Variants in HLA-DRB5 observed in about 807,000 individuals in gnomAD.
The protein encoded by HLA-DRB5 is major histocompatibility complex, class II, DR beta 5.
HLA-DRB5 carries 11 observed loss-of-function variants against 22.4 expected under a neutral mutation model. That is an observed-to-expected ratio of 0.49 (90% CI 0.31 to 0.81). The LOEUF is 0.81. Among genes scored for constraint, HLA-DRB5 ranks in the 40% least tolerant of loss-of-function variants. HLA-DRB5 has a pLI of 0.05. For synonymous variants in HLA-DRB5, 57 were observed against 106.0 expected, an observed-to-expected ratio of 0.54 and a Z score of 2.84; for missense variants, 106 against 274.4, an observed-to-expected ratio of 0.39 and a Z score of 4.34.
chr6:32,524,322 C>CT (rs1769323029), intron 1 of HLA-DRB5, among the ~76,000 whole-genome samples: 1 of 125,098 alleles, frequency 8.0e-6, no homozygotes, highest in African/African-American at 3.1e-5. Flanking sequence ...TTCATATCAT[C>CT]TTCTTTCTTA....
chr6:32,522,791 T>G (rs1769108025), intron 1 of HLA-DRB5, among the ~76,000 whole-genome samples: 1 of 45,044 alleles, frequency 2.2e-5, no homozygotes, highest in Non-Finnish European at 4.5e-5. Context: ...TGATCTCAAT[T>G]ACATTAGGGT....
Position 32,522,160 on chromosome 6 carries a change from G to GAGCA in HLA-DRB5, c.114_115insTGCT (p.Gln39CysfsTer4), listed in dbSNP as rs766955366. On this transcript the variant is annotated frameshift_variant, in exon 2 of 6. Transcript: ENST00000374975. LOFTEE classifies it high-confidence loss of function. Reference sequence around the variant, plus strand: ...AAGAAATGACACTCATACTTATCCTGCTGCAAGAAACGTGCTGTGGGGACA... The same window carrying GAGCA: ...AAGAAATGACACTCATACTTATCCTGAGCACTGCAAGAAACGTGCTGTGGGGACA... 1 of 807,170 alleles carries GAGCA rather than the reference G, an allele frequency of 1.2e-6. No homozygotes were observed. The highest frequency in any genetic ancestry group is 2.9e-5 in the African/African-American group (1 of 34,474). The allele number at this position is 807,170 out of a possible 1,614,324, so 50.0% of individuals were successfully genotyped here. A position where few individuals can be genotyped will look rare whatever the true frequency, so the allele number is the denominator to read the frequency against.
intron 2 of HLA-DRB5, among the ~76,000 whole-genome samples, chr6:32,521,313 G>A (rs1768837130): frequency 7.7e-6 from 1 of 129,444 alleles, no homozygotes. Context: ...AAAATAGCAA[G>A]AAATTTAGAC....
intron 1 of HLA-DRB5, among the ~76,000 whole-genome samples, chr6:32,522,768 C>A (rs112967446): frequency 2.9e-5 from 1 of 34,938 alleles, no homozygotes; most frequent in Admixed American, 3.7e-4. Flanking sequence ...TTCCAGAACA[C>A]AGAGTAATAG....
chr6:32,519,300 T>C (rs375322271), intron 3 of HLA-DRB5, 70 bp downstream of exon 3: 24,791 of 688,814 alleles, frequency 0.036, 7 homozygotes, highest in Middle Eastern at 0.065. Flanking sequence ...ATGAGAAACC[T>C]GACACTCAGG....
chr6:32,521,853 A>ACGCT (rs1419792558), intron 2 of HLA-DRB5, 52 bp downstream of exon 2: 1 of 593,192 alleles, frequency 1.7e-6, no homozygotes, highest in African/African-American at 3.6e-5. Context: ...ACACACACAC[A>ACGCT]CTCAGATTCC....
At chr6:32,518,916 C>T (rs190855649) in intron 3 of HLA-DRB5, among the ~76,000 whole-genome samples, 65 of 59,476 alleles carry the variant, frequency 1.1e-3, no homozygotes, top group Middle Eastern at 0.01. Flanking sequence ...AACAGAAAGC[C>T]TGAGACTCAA....
intron 2 of HLA-DRB5, among the ~76,000 whole-genome samples, chr6:32,521,357 C>T (rs113725244): frequency 0.043 from 5,621 of 132,250 alleles, 567 homozygotes; most frequent in African/African-American, 0.095. Context: ...CAGAGGTCTC[C>T]TCAATTCCCC....
intron 1 of HLA-DRB5, among the ~76,000 whole-genome samples, chr6:32,524,255 T>C (rs72508449): frequency 0.8 from 98,406 of 122,274 alleles, 42,433 homozygotes; most frequent in Middle Eastern, 0.88. Context: ...TGTTGAGAAC[T>C]AAGATTTACT....
rs1348057853 is a variant in HLA-DRB5 at position 32,519,888 on chromosome 6, G to A, written c.371-237C>T. On this transcript the variant is annotated intron_variant, in intron 2 of 5. Coordinates refer to ENST00000374975, the MANE Select transcript of HLA-DRB5 (RefSeq NM_002125.4). ...TTTCTTCATCACTTGAAATTGGGAT[G>A]CATTGTCAAAGTGTTTACAAGTCTT... is the stretch of plus-strand genomic sequence containing the variant. Among the ~76,000 whole-genome samples the A allele has an allele frequency of 4.0e-5, 4 of 99,126 alleles. No homozygotes were observed. The East Asian group carries it at 9.0e-4, about 22-fold the overall frequency. The allele number at this position is 99,126 out of a possible 152,430, so 65.0% of individuals were successfully genotyped here.
chr6:32,524,347 T>G (rs72508450), intron 1 of HLA-DRB5, among the ~76,000 whole-genome samples: 71,753 of 107,936 alleles, frequency 0.66, 23,542 homozygotes, highest in Middle Eastern at 0.73. Flanking sequence ...CTCTGCCACT[T>G]GTCCACTAAT....
chr6:32,526,245 A>T (rs112969717), intron 1 of HLA-DRB5, among the ~76,000 whole-genome samples: 1 of 37,608 alleles, frequency 2.7e-5, no homozygotes, highest in Non-Finnish European at 5.3e-5. Context: ...TTCTCACTTC[A>T]CCCTCCTCTT....
rs199999329 is a variant in HLA-DRB5 at position 32,525,344 on chromosome 6, G to C, written c.101-3170C>G. Among the ~76,000 whole-genome samples, 115 of 31,000 alleles carry C rather than the reference G, an allele frequency of 3.7e-3. 49 individuals are homozygous for C. The highest frequency in any genetic ancestry group is 8.8e-3 in the Admixed American group (20 of 2,276). 20.3% of individuals were successfully genotyped at this position (31,000 alleles called of 152,430 possible). ...AATTTAATAAAGAGTCTTCTTAGCAGTGATCACATAATAAACACTCAAATG... is the reference window on the plus strand; with the variant it reads ...AATTTAATAAAGAGTCTTCTTAGCACTGATCACATAATAAACACTCAAATG... On this transcript the variant is annotated intron_variant, in intron 1 of 5. Coordinates refer to ENST00000374975, the MANE Select transcript of HLA-DRB5 (RefSeq NM_002125.4).
At chr6:32,523,157 CA>C (rs1562438713) in intron 1 of HLA-DRB5, among the ~76,000 whole-genome samples, 16 of 36,510 alleles carry the variant, frequency 4.4e-4, no homozygotes, top group Admixed American at 1.0e-3. Flanking sequence ...ACCATGATCC[CA>C]TGAATGTCCA....
At chr6:32,524,270 T>C (rs189386164) in intron 1 of HLA-DRB5, among the ~76,000 whole-genome samples, 8,037 of 85,052 alleles carry the variant, frequency 0.094, 1 homozygote, top group Admixed American at 0.16. Context: ...TTTACTGATT[T>C]CCTTGCATTA....
rs139049951 is a variant in HLA-DRB5, at chr6:32,517,511, G to A, written c.*228C>T. 9.3e-3 allele frequency: 1,308 copies of A among 140,504 alleles called. 23 individuals carry two copies. The highest frequency in any genetic ancestry group is 0.017 in the Admixed American group (107 of 6,412). The allele number at this position is 140,504 out of a possible 1,614,324, so 8.7% of individuals were successfully genotyped here. A position where few individuals can be genotyped will look rare whatever the true frequency, so the allele number is the denominator to read the frequency against. ...GGAGGCCGTAGGGTTAGGTAAAGGG[G>A]AGCACTAAAGTTGAAGATGAGGCAC... On this transcript the variant is annotated 3_prime_UTR_variant, in exon 6 of 6. Coordinates refer to ENST00000374975, the MANE Select transcript of HLA-DRB5 (RefSeq NM_002125.4).
At chr6:32,520,644 ATC>A (rs1768727744) in intron 2 of HLA-DRB5, among the ~76,000 whole-genome samples, 1 of 94,624 alleles carries the variant, frequency 1.1e-5, no homozygotes, top group Non-Finnish European at 2.2e-5. Context: ...GCCTAGGAAA[ATC>A]CCTAACACTA....
rs1169743620 is a variant in HLA-DRB5, at chr6:32,522,302, C to T, written c.101-128G>A. 4.8e-5 allele frequency: 12 copies of T among 247,684 alleles called. 5 individuals carry two copies. The highest frequency in any genetic ancestry group is 8.0e-5 in the Non-Finnish European group (12 of 150,342). The allele number at this position is 247,684 out of a possible 1,614,324, so 15.3% of individuals were successfully genotyped here. On this transcript the variant is annotated intron_variant, in intron 1 of 5. Transcript: ENST00000374975. Reference sequence around the variant, plus strand: ...ACCTTAACTGATCCCAACCATAACCCCGACCACGCGCAGCCCAGAGGCTCA... The same window carrying T: ...ACCTTAACTGATCCCAACCATAACCTCGACCACGCGCAGCCCAGAGGCTCA...
chr6:32,528,095 G>T (rs796082539), intron 1 of HLA-DRB5, among the ~76,000 whole-genome samples: 1,821 of 32,682 alleles, frequency 0.056, 62 homozygotes, highest in Admixed American at 0.065. Flanking sequence ...CCCCCAATTC[G>T]GTCTCCCTGG....
Sources: gnomAD v4.1 joint callset for allele counts (sites outside exome capture counted in the v4.1 genomes callset) on GRCh38, gnomAD v4.1.1 for gene constraint, MANE v1.5 for transcripts, NCBI Gene and HGNC (gene_info 2026-07-23, HGNC 2026-07-21) for gene names.